The following LMBR1 variants were observed in gnomAD, a reference collection of about 807,000 sequenced individuals.
LMBR1 encodes limb development membrane protein 1.
Under a neutral mutation model 73.9 loss-of-function variants are expected in LMBR1, and 52 were observed. That is an observed-to-expected ratio of 0.70 (90% CI 0.56 to 0.89). LMBR1 has a LOEUF of 0.89. Among genes scored for constraint, LMBR1 ranks in the 40% least tolerant of loss-of-function variants. The pLI, the probability that LMBR1 is intolerant of heterozygous loss-of-function variation, is 0.00. For synonymous variants in LMBR1, 215 were observed against 209.4 expected, an observed-to-expected ratio of 1.03 and a Z score of -0.23; for missense variants, 539 against 579.8, an observed-to-expected ratio of 0.93 and a Z score of 0.72.
At chr7:156,785,845 T>C (rs1240843316) in intron 5 of LMBR1, among the ~76,000 whole-genome samples, 3 of 152,188 alleles carry the variant, frequency 2.0e-5, no homozygotes, top group Non-Finnish European at 2.9e-5. Flanking sequence ...TTCAAGATGA[T>C]GGGTCTCACA....
intron 4 of LMBR1, among the ~76,000 whole-genome samples, chr7:156,802,435 A>G (rs1831171734): frequency 6.6e-6 from 1 of 152,256 alleles, no homozygotes; most frequent in Non-Finnish European, 1.5e-5. Context: ...AATGAGTTCC[A>G]TAAACAAACA....
Position 156,708,126 on chromosome 7 carries a change from G to A in LMBR1, c.1225+15986C>T, listed in dbSNP as rs545536269. 1.1e-3 allele frequency among the ~76,000 whole-genome samples: 173 copies of A among 152,030 alleles called. 2 individuals carry two copies. The highest frequency in any genetic ancestry group is 6.8e-3 in the Middle Eastern group (2 of 292). On this transcript the variant is annotated intron_variant, in intron 15 of 16. Coordinates refer to ENST00000353442, the MANE Select transcript of LMBR1 (RefSeq NM_022458.4). ...CAGAAAAAAAAAATTGGAGGAAGAC[G>A]GCAGACAGGAGGCAGGACTAATGTG...
At chr7:156,874,743 G>T (rs1056284525) in intron 1 of LMBR1, among the ~76,000 whole-genome samples, 1 of 152,154 alleles carries the variant, frequency 6.6e-6, no homozygotes, top group Non-Finnish European at 1.5e-5. Context: ...TTAGAAAAAG[G>T]GGGAGAGTAC....
intron 3 of LMBR1, among the ~76,000 whole-genome samples, chr7:156,831,227 G>A (rs1288423985): frequency 2.0e-5 from 3 of 148,966 alleles, no homozygotes; most frequent in East Asian, 4.0e-4. Flanking sequence ...CGCTACGGTG[G>A]AGGAAACATT....
intron 1 of LMBR1, among the ~76,000 whole-genome samples, chr7:156,846,379 G>A (rs965391396): frequency 6.6e-6 from 1 of 152,062 alleles, no homozygotes; most frequent in Non-Finnish European, 1.5e-5. Context: ...TGGCAACAGA[G>A]TGAGACCCTG....
chr7:156,847,219 C>G (rs1205358103), intron 1 of LMBR1, among the ~76,000 whole-genome samples: 2 of 152,150 alleles, frequency 1.3e-5, no homozygotes, highest in Non-Finnish European at 1.5e-5. Context: ...GCTGAAACAA[C>G]TGGACATCCA....
At chr7:156,757,636 C>G (rs946071722) in intron 8 of LMBR1, among the ~76,000 whole-genome samples, 1 of 152,208 alleles carries the variant, frequency 6.6e-6, no homozygotes, top group African/African-American at 2.4e-5. Flanking sequence ...ATCCTCACAT[C>G]CAAACTACTC....
intron 8 of LMBR1, among the ~76,000 whole-genome samples, chr7:156,756,943 A>C (rs11979863): frequency 0.04 from 6,159 of 152,100 alleles, 406 homozygotes; most frequent in African/African-American, 0.14. Flanking sequence ...CAACCTCCCT[A>C]GTAGCTGGAA....
At chr7:156,822,562 C>G (rs1161674035) in intron 4 of LMBR1, 1 of 151,960 alleles carries the variant, frequency 6.6e-6, no homozygotes, top group East Asian at 1.9e-4. Context: ...GGACAACTAG[C>G]TGTCATATCT....
At chr7:156,807,137 G>T (rs1215120991) in intron 4 of LMBR1, among the ~76,000 whole-genome samples, 1 of 151,976 alleles carries the variant, frequency 6.6e-6, no homozygotes, top group Non-Finnish European at 1.5e-5. Flanking sequence ...CGCTAAAATT[G>T]TATTTAGAAC....
At chr7:156,693,980 C>CCAT (rs1807762970) in intron 15 of LMBR1, among the ~76,000 whole-genome samples, 1 of 152,160 alleles carries the variant, frequency 6.6e-6, no homozygotes, top group African/African-American at 2.4e-5. Flanking sequence ...TGCTGGGATG[C>CCAT]AAGTATGGTT....
intron 1 of LMBR1, among the ~76,000 whole-genome samples, chr7:156,876,841 T>C (rs1800247723): frequency 6.6e-6 from 1 of 152,146 alleles, no homozygotes; most frequent in Admixed American, 6.5e-5. Context: ...GGAAAGTTCA[T>C]AGCCCTAAAT....
At chr7:156,751,616 T>A (rs947127431) in intron 9 of LMBR1, among the ~76,000 whole-genome samples, 3 of 151,980 alleles carry the variant, frequency 2.0e-5, no homozygotes, top group Admixed American at 2.0e-4. Context: ...CGCAAAAACC[T>A]CTCCAAGGGG....
chr7:156,699,882 C>T (rs1417570706), intron 15 of LMBR1, among the ~76,000 whole-genome samples: 1 of 152,144 alleles, frequency 6.6e-6, no homozygotes, highest in Non-Finnish European at 1.5e-5. Context: ...GAATGGCGAT[C>T]ATTTAAAAGT....
intron 1 of LMBR1, among the ~76,000 whole-genome samples, chr7:156,877,575 G>A (rs952884978): frequency 1.4e-4 from 21 of 152,136 alleles, no homozygotes; most frequent in Admixed American, 4.6e-4. Flanking sequence ...TACCACAGAT[G>A]CAGGGATGGT....
intron 1 of LMBR1, among the ~76,000 whole-genome samples, chr7:156,842,415 T>A (rs1838882367): frequency 7.1e-6 from 1 of 140,494 alleles, no homozygotes. Context: ...TATTTTTTAC[T>A]TTTTAAGGAA....
At chr7:156,833,035 A>C (rs1345266484) in intron 3 of LMBR1, among the ~76,000 whole-genome samples, 1 of 152,214 alleles carries the variant, frequency 6.6e-6, no homozygotes, top group Non-Finnish European at 1.5e-5. Flanking sequence ...GGTAGAATGC[A>C]CTGTTTATTG....
chr7:156,770,307 C>T (rs1768644180), intron 5 of LMBR1, among the ~76,000 whole-genome samples: 2 of 152,052 alleles, frequency 1.3e-5, no homozygotes. Context: ...GTGCGCACCA[C>T]CCTGCCCAAC....
chr7:156,785,705 G>C (rs1299222670), intron 5 of LMBR1, among the ~76,000 whole-genome samples: 1 of 152,142 alleles, frequency 6.6e-6, no homozygotes. Flanking sequence ...GATTCAAGCA[G>C]AGACAATCTG....
Sources: gnomAD v4.1 joint callset for allele counts (sites outside exome capture counted in the v4.1 genomes callset) on GRCh38, gnomAD v4.1.1 for gene constraint, MANE v1.5 for transcripts, NCBI Gene and HGNC (gene_info 2026-07-23, HGNC 2026-07-21) for gene names.